Variants in TAF15 observed in about 807,000 individuals in gnomAD.
TAF15 encodes TATA-binding protein-associated factor 2N.
A neutral mutation model predicts 102.5 loss-of-function variants in TAF15; 37 were observed. That is an observed-to-expected ratio of 0.36 (90% CI 0.28 to 0.47). The LOEUF is 0.47. TAF15 is among the 20% of genes least tolerant of loss of function. TAF15 has a pLI of 0.99. For missense variants in TAF15, 652 were observed against 760.7 expected (o/e 0.86, Z 1.68); for synonymous variants, 273 against 259.2 (o/e 1.05, Z -0.51).
At chr17:35,810,424 C>T (rs1568236447) in intron 1 of TAF15, 1 of 152,242 alleles carries the variant, frequency 6.6e-6, no homozygotes, top group Non-Finnish European at 1.5e-5. Flanking sequence ...TTCAGGACAA[C>T]CAGTTTGGAT....
chr17:35,824,921 T>TA (rs59417180), intron 7 of TAF15, among the ~76,000 whole-genome samples: 143 of 146,882 alleles, frequency 9.7e-4, no homozygotes, highest in South Asian at 2.4e-3. Context: ...ACTTTGACTG[T>TA]AAAAAAAAAA....
intron 15 of TAF15, among the ~76,000 whole-genome samples, chr17:35,846,620 G>C (rs781016056): frequency 2.4e-4 from 37 of 152,160 alleles, no homozygotes; most frequent in Non-Finnish European, 5.1e-4. Context: ...TTAGAGTGCT[G>C]GAACTGGGAC....
rs1458219391 is a variant in TAF15, at chr17:35,846,894, T to C, written c.1740-12T>C. The C allele has an allele frequency of 6.2e-7, 1 of 1,614,180 alleles. No individual in the cohort carries two copies. Among genetic ancestry groups the C allele is most frequent in the East Asian group, 2.2e-5 (1 of 44,892 alleles). On this transcript the variant is annotated splice_polypyrimidine_tract_variant and intron_variant, in intron 15 of 15. Transcript: ENST00000605844. ...TTAGAATTTAGTCCGGCTCTTTATT[T>C]TTCATTCCTAGAAACGACTACAGAA...
intron 12 of TAF15, among the ~76,000 whole-genome samples, chr17:35,843,116 A>G (rs559058418): frequency 7.7e-4 from 114 of 148,768 alleles, no homozygotes; most frequent in Non-Finnish European, 1.1e-3. Context: ...CTTTTTTTTT[A>G]TTTTTTATTT....
chr17:35,828,907 T>C (rs1426064279), intron 7 of TAF15, among the ~76,000 whole-genome samples: 2 of 152,130 alleles, frequency 1.3e-5, no homozygotes, highest in Non-Finnish European at 2.9e-5. Context: ...ACAGGCCACA[T>C]GTAGGTAGTG....
intron 2 of TAF15, among the ~76,000 whole-genome samples, chr17:35,819,105 T>C (rs528757274): frequency 6.6e-6 from 1 of 152,328 alleles, no homozygotes; most frequent in South Asian, 2.1e-4. Flanking sequence ...ACCTCAGATA[T>C]CTTGTCAAAT....
intron 1 of TAF15, among the ~76,000 whole-genome samples, chr17:35,812,930 C>G (rs1219395783): frequency 6.6e-6 from 1 of 151,658 alleles, no homozygotes; most frequent in Non-Finnish European, 1.5e-5. Context: ...AAGTTCGAGA[C>G]CAGCCTGGCC....
rs570577331 is a variant in TAF15, at chr17:35,833,764, G to A, written c.606-143G>A. The A allele has an allele frequency of 1.3e-5, 10 of 761,036 alleles. No homozygotes were observed. The African/African-American group carries it at 1.7e-4, about 13-fold the overall frequency. The allele number at this position is 761,036 out of a possible 1,614,324, so 47.1% of individuals were successfully genotyped here. On this transcript the variant is annotated intron_variant, in intron 7 of 15. Transcript: ENST00000605844. ...AGATGGAAACAACATTTAGAACTCT[G>A]TGAAATGGAATTTACTGAAAACTTA...
intron 12 of TAF15, 143 bp from the exon 13 acceptor site, chr17:35,843,934 A>AT (rs2087577763): frequency 2.5e-6 from 2 of 807,608 alleles, no homozygotes; most frequent in Non-Finnish European, 4.4e-6. Flanking sequence ...AAATCAAAGA[A>AT]TTACAAAGTC....
chr17:35,844,473 G>T lies in TAF15; in HGVS notation c.1178-4G>T. The T allele has an allele frequency of 6.2e-7, 1 of 1,613,652 alleles. No homozygotes were observed. Among genetic ancestry groups the T allele is most frequent in the Non-Finnish European group, 8.5e-7 (1 of 1,179,788 alleles). ...GCCTCATTGTTTGCATTTCTACCTT[G>T]CAGATTTCCGGGGGAGAGGCTACGG... is the stretch of plus-strand genomic sequence containing the variant. On this transcript the variant is annotated splice_polypyrimidine_tract_variant and splice_region_variant and intron_variant, in intron 14 of 15. Transcript: ENST00000605844.
At chr17:35,835,210 G>A (rs535405583) in intron 9 of TAF15, among the ~76,000 whole-genome samples, 2 of 152,126 alleles carry the variant, frequency 1.3e-5, no homozygotes, top group Non-Finnish European at 2.9e-5. Context: ...TTGCAAATCA[G>A]ATTAATGAAA....
chr17:35,846,776 A>G, intron 15 of TAF15, 130 bp from the exon 16 acceptor site: 1 of 921,044 alleles, frequency 1.1e-6, no homozygotes, highest in Non-Finnish European at 1.8e-6. Flanking sequence ...TACAGAAATA[A>G]ATGAGGCATG....
chr17:35,815,132 G>C (rs549743993), intron 1 of TAF15, among the ~76,000 whole-genome samples: 27 of 152,208 alleles, frequency 1.8e-4, no homozygotes, highest in African/African-American at 6.3e-4. Flanking sequence ...AGGGGGAAAA[G>C]CAAAACAGGA....
rs2087244167 is a variant in TAF15, at chr17:35,820,344, C to G, written c.197C>G (p.Ser66Cys). The change falls in exon 5 of 16, where the codon TCC becomes TGC. Residue 66 changes from serine to cysteine, a missense_variant. By Grantham distance (112) the Ser-to-Cys change is moderately radical. Coordinates refer to ENST00000605844, the MANE Select transcript of TAF15 (RefSeq NM_139215.3). ...ATCTAATCTTTAGGTTATTCACAGT[C>G]CTATGGTGGTTATGAGAATCAAAAG... ...YGQSQSGYSQ[S>C]YGGYENQKQS... 1 of 1,613,830 alleles carries G rather than the reference C, an allele frequency of 6.2e-7. No individual in the cohort carries two copies.
chr17:35,846,881 C>A, intron 15 of TAF15, 25 bp from the exon 16 acceptor site: 1 of 1,613,992 alleles, frequency 6.2e-7, no homozygotes, highest in East Asian at 2.2e-5. Context: ...AGAATTTAGT[C>A]CGGCTCTTTA....
intron 7 of TAF15, among the ~76,000 whole-genome samples, chr17:35,833,213 A>G (rs1289769702): frequency 6.6e-6 from 1 of 152,028 alleles, no homozygotes; most frequent in Non-Finnish European, 1.5e-5. Context: ...TGTAATGTGC[A>G]CTACTGATAG....
At chr17:35,809,966 T>G in intron 1 of TAF15, 1 of 366,266 alleles carries the variant, frequency 2.7e-6, no homozygotes. Context: ...GCCTCGGATC[T>G]TTCAGCGAGG....
chr17:35,844,218 A>G lies in TAF15; in HGVS notation c.1088+60A>G, dbSNP rs4251781. 4,237 of 1,611,568 alleles carry G rather than the reference A, an allele frequency of 2.6e-3. 118 individuals carry two copies. In the African/African-American group the frequency reaches 0.051, roughly 20 times the overall value. On this transcript the variant is annotated intron_variant, in intron 13 of 15. Transcript: ENST00000605844. Reference sequence around the variant, plus strand: ...TTGGGATTGGGGCTGTGGAGGATACAGAAAGGGGTTCTGAGTCCATTAGAA... The same window carrying G: ...TTGGGATTGGGGCTGTGGAGGATACGGAAAGGGGTTCTGAGTCCATTAGAA...
intron 14 of TAF15, 27 bp downstream of exon 14, chr17:35,844,395 C>G: frequency 6.2e-7 from 1 of 1,612,440 alleles, no homozygotes; most frequent in African/African-American, 1.3e-5. Flanking sequence ...ATAGCATCTG[C>G]ATCGTGCTTA....
Sources: allele counts gnomAD v4.1 joint callset (sites outside exome capture counted in the v4.1 genomes callset), GRCh38; gene constraint gnomAD v4.1.1; transcripts MANE v1.5; gene names NCBI Gene and HGNC (gene_info 2026-07-23, HGNC 2026-07-21).